Variants in ZNF34 observed in about 807,000 individuals in gnomAD.
ZNF34 encodes zinc finger protein 34, also known as zinc finger protein 34 (KOX 32).
Under a neutral mutation model 14.4 loss-of-function variants are expected in ZNF34, and 8 were observed. The ratio of observed to expected loss-of-function variants is 0.55; its 90% confidence interval spans 0.33 to 1.00. The LOEUF (loss-of-function observed/expected upper bound fraction) is 1.00. Ranked by LOEUF, ZNF34 falls within the 50% of genes least tolerant of loss-of-function variation. The probability of loss-of-function intolerance (pLI) is 0.03; values close to 1 mark genes in which losing one functional copy is unlikely to be tolerated. For synonymous variants in ZNF34, 235 were observed against 247.9 expected (o/e 0.95, Z 0.49); for missense variants, 538 against 674.2 (o/e 0.80, Z 2.24).
At chr8:144,784,874 G>A (rs1205099995) in intron 1 of ZNF34, among the ~76,000 whole-genome samples, 2 of 152,012 alleles carry the variant, frequency 1.3e-5, no homozygotes, top group East Asian at 3.8e-4. Context: ...TGTAATCTCA[G>A]TGCTTTGGGA....
chr8:144,776,651 T>C (rs7815548), intron 5 of ZNF34, among the ~76,000 whole-genome samples: 11,108 of 151,314 alleles, frequency 0.073, 1,379 homozygotes, highest in African/African-American at 0.26. Context: ...TGGCTCACAC[T>C]TTAACTCCAG....
chr8:144,781,164 A>AATAAATAAATAT (rs1371657864), intron 1 of ZNF34, among the ~76,000 whole-genome samples: 3 of 117,968 alleles, frequency 2.5e-5, no homozygotes, highest in South Asian at 5.8e-4. Context: ...TAAATAAATA[A>AATAAATAAATAT]AAATAAAAAT....
At chr8:144,785,216 A>G (rs1282393288) in intron 1 of ZNF34, 1 of 152,222 alleles carries the variant, frequency 6.6e-6, no homozygotes, top group East Asian at 1.9e-4. Flanking sequence ...CACATAACAA[A>G]GTATAAATAT....
rs1301775190 is a variant in ZNF34 at position 144,779,343 on chromosome 8, C to T, written c.-54-818G>A. Among the ~76,000 whole-genome samples the T allele has an allele frequency of 5.9e-5, 9 of 152,306 alleles. No homozygotes were observed. Among genetic ancestry groups the T allele is most frequent in the African/African-American group, 2.2e-4 (9 of 41,566 alleles). On this transcript the variant is annotated intron_variant, in intron 2 of 5. Coordinates refer to ENST00000429371, the MANE Select transcript of ZNF34 (RefSeq NM_001286769.2). The surrounding 1 kb of genome is among the most constrained non-coding windows in gnomAD (Gnocchi z 4.1). ...CGTCACAGCTACGCTTGATGCACCG[C>T]TACCTTTCTATCCCCATGTCCTCAT...
At chr8:144,778,953 C>T (rs1025657198) in intron 2 of ZNF34, among the ~76,000 whole-genome samples, 2 of 152,162 alleles carry the variant, frequency 1.3e-5, no homozygotes, top group African/African-American at 4.8e-5. Flanking sequence ...TCTGGGAACA[C>T]GTCCTGGGTC....
intron 1 of ZNF34, among the ~76,000 whole-genome samples, chr8:144,783,729 A>G: frequency 6.6e-6 from 1 of 152,272 alleles, no homozygotes; most frequent in East Asian, 1.9e-4. Context: ...GTTTCTAAAT[A>G]GGAGGGCTCA....
Position 144,779,394 on chromosome 8 carries a change from C to T in ZNF34, c.-55+834G>A, listed in dbSNP as rs375420295. Among the ~76,000 whole-genome samples the T allele has an allele frequency of 2.6e-5, 4 of 152,286 alleles. No homozygotes were observed. The highest frequency in any genetic ancestry group is 4.8e-5 in the African/African-American group (2 of 41,568). On this transcript the variant is annotated intron_variant, in intron 2 of 5. Transcript: ENST00000429371. This position sits in a 1 kb window ranked among gnomAD's most constrained non-coding sequence, Gnocchi z 4.1. ...GTCCTCACCTGTCTACCCTCATGTC[C>T]GCACATCCTCACCACCTGCTTCTTT...
rs543740056 is a variant in ZNF34, at chr8:144,779,162, T to A, written c.-54-637A>T. On this transcript the variant is annotated intron_variant, in intron 2 of 5. Coordinates refer to ENST00000429371, the MANE Select transcript of ZNF34 (RefSeq NM_001286769.2). The surrounding 1 kb of genome is among the most constrained non-coding windows in gnomAD (Gnocchi z 4.1). ...GGCACAAAACCCCTCGTGGCTTGGA[T>A]GGAATCCAGGGCTCAGGGCACAAAA... Among the ~76,000 whole-genome samples the A allele has an allele frequency of 6.6e-5, 10 of 151,840 alleles. No homozygotes were observed. Among genetic ancestry groups the A allele is most frequent in the Non-Finnish European group, 8.8e-5 (6 of 67,922 alleles).
Position 144,777,994 on chromosome 8 carries a change from C to A in ZNF34, c.160+44G>T. 4.4e-6 allele frequency: 7 copies of A among 1,608,662 alleles called. No individual in the cohort carries two copies. Among genetic ancestry groups the A allele is most frequent in the Non-Finnish European group, 5.9e-6 (7 of 1,177,436 alleles). Reference sequence around the variant, plus strand: ...AGCCCAGCCTCTGCTGAGCCCTTAGCCCCCAGGGCTGTTCCCAGAGCTGAG... The same window carrying A: ...AGCCCAGCCTCTGCTGAGCCCTTAGACCCCAGGGCTGTTCCCAGAGCTGAG... On this transcript the variant is annotated intron_variant, in intron 4 of 5. Transcript: ENST00000429371. The surrounding 1 kb of genome is among the most constrained non-coding windows in gnomAD (Gnocchi z 4.8).
rs375897396 is a variant in ZNF34 at position 144,781,114 on chromosome 8, G to A, written c.-107-834C>T. 1.9e-3 allele frequency among the ~76,000 whole-genome samples: 268 copies of A among 142,396 alleles called. 1 individual carries two copies. Among genetic ancestry groups the A allele is most frequent in the African/African-American group, 6.4e-3 (246 of 38,368 alleles). 93.4% of individuals were successfully genotyped at this position (142,396 alleles called of 152,430 possible). On this transcript the variant is annotated intron_variant, in intron 1 of 5. Coordinates refer to ENST00000429371, the MANE Select transcript of ZNF34 (RefSeq NM_001286769.2). The stretch of plus-strand genomic sequence containing the variant: ...CGCACCACTGCACTCCAGCCTGGGC[G>A]ACAGAGCGAGACTCCATCTCAAATA...
chr8:144,774,524 A>G lies in ZNF34; in HGVS notation c.362T>C (p.Val121Ala), dbSNP rs749057321. Residue 121 changes from valine to alanine, a missense_variant, in exon 6 of 6, where the codon GTA becomes GCA. Val to Ala is a moderately conservative substitution (Grantham distance 64, BLOSUM62 0). Around this residue, in one of 3 missense-constraint regions of ZNF34, gnomAD observed 431 missense variants for 525.7 expected, o/e 0.82. Coordinates refer to ENST00000429371, the MANE Select transcript of ZNF34 (RefSeq NM_001286769.2). ...GEEDPQGSEPVEACDHISKSE... is the reference protein window; with the variant it reads ...GEEDPQGSEPAEACDHISKSE... The stretch of plus-strand genomic sequence containing the variant: ...CTTACTGATGTGGTCACAGGCTTCT[A>G]CTGGCTCAGATCCCTGGGGATCTTC... 2.5e-6 allele frequency: 4 copies of G among 1,613,946 alleles called. No homozygotes were observed. The highest frequency in any genetic ancestry group is 3.4e-6 in the Non-Finnish European group (4 of 1,179,886).
rs1192845493 is a variant in ZNF34 at position 144,779,433 on chromosome 8, T to A, written c.-55+795A>T. ...ACCTGCTTCTTTGTTCGATCATCAA[T>A]AAATAGTGTGGGCTCCCAGAGCTTG... On this transcript the variant is annotated intron_variant, in intron 2 of 5. Coordinates refer to ENST00000429371, the MANE Select transcript of ZNF34 (RefSeq NM_001286769.2). This position sits in a 1 kb window ranked among gnomAD's most constrained non-coding sequence, Gnocchi z 4.1. 2.0e-5 allele frequency among the ~76,000 whole-genome samples: 3 copies of A among 152,148 alleles called. No homozygotes were observed. The highest frequency in any genetic ancestry group is 7.2e-5 in the African/African-American group (3 of 41,440).
At position 144,777,914 on chromosome 8, in the gene ZNF34, G is replaced by A; in HGVS notation, c.160+124C>T. On this transcript the variant is annotated intron_variant, in intron 4 of 5. Coordinates refer to ENST00000429371, the MANE Select transcript of ZNF34 (RefSeq NM_001286769.2). This position sits in a 1 kb window ranked among gnomAD's most constrained non-coding sequence, Gnocchi z 4.8. ...TCTTCCCCTCATCTTCTCAGATCAGGTGCCTGCCTGGGATAAAGGTCATCA... is the reference window on the plus strand; with the variant it reads ...TCTTCCCCTCATCTTCTCAGATCAGATGCCTGCCTGGGATAAAGGTCATCA... 7.1e-7 allele frequency: 1 copy of A among 1,406,422 alleles called. No homozygotes were observed. Among genetic ancestry groups the A allele is most frequent in the Non-Finnish European group, 9.7e-7 (1 of 1,029,102 alleles). The allele number at this position is 1,406,422 out of a possible 1,614,324, so 87.1% of individuals were successfully genotyped here.
intron 5 of ZNF34, among the ~76,000 whole-genome samples, chr8:144,776,233 A>C (rs1825504767): frequency 6.7e-6 from 1 of 148,752 alleles, no homozygotes; most frequent in Non-Finnish European, 1.5e-5. Flanking sequence ...AATTGCTTGA[A>C]CCTGGGAGGC....
At position 144,773,608 on chromosome 8, in the gene ZNF34, A is replaced by G; in HGVS notation, c.1278T>C (p.Tyr426=). 7 of 1,614,028 alleles carry G rather than the reference A, an allele frequency of 4.3e-6. No individual in the cohort carries two copies. Among genetic ancestry groups the G allele is most frequent in the Non-Finnish European group, 5.9e-6 (7 of 1,180,004 alleles). The stretch of plus-strand genomic sequence containing the variant: ...AAACTTTGCCACAGTCATTGCATTC[A>G]TAGGGCTTCTCTCCAGTGTGGCTTC... The part of the protein sequence containing the change: ...HQRSHTGEKP[Y]ECNDCGKVFS... Residue 426 remains tyrosine (Y), a synonymous_variant, in exon 6 of 6, where the codon TAT becomes TAC. Transcript: ENST00000429371. This position sits in a 1 kb window ranked among gnomAD's most constrained non-coding sequence, Gnocchi z 5.4.
rs192788972 is a variant in ZNF34 at position 144,784,690 on chromosome 8, G to A, written c.-108+2589C>T. ...GGAGAATCGCTTGAACCCGGGAGGC[G>A]GAGGTTGCAGTGAGCCAAGATCACG... On this transcript the variant is annotated intron_variant, in intron 1 of 5. Coordinates refer to ENST00000429371, the MANE Select transcript of ZNF34 (RefSeq NM_001286769.2). Among the ~76,000 whole-genome samples the A allele has an allele frequency of 3.6e-3, 547 of 152,066 alleles. 2 individuals carry two copies. Among genetic ancestry groups the A allele is most frequent in the African/African-American group, 0.011 (456 of 41,468 alleles).
intron 5 of ZNF34, among the ~76,000 whole-genome samples, chr8:144,775,332 A>C (rs1365926735): frequency 6.6e-6 from 1 of 152,150 alleles, no homozygotes; most frequent in African/African-American, 2.4e-5. Context: ...ACCTTATCTA[A>C]AGCTGATCTA....
intron 1 of ZNF34, among the ~76,000 whole-genome samples, chr8:144,785,842 T>C (rs11986287): frequency 0.039 from 5,985 of 152,114 alleles, 204 homozygotes; most frequent in African/African-American, 0.08. Flanking sequence ...ACCATGTGCC[T>C]GTGTAGAAGA....
At chr8:144,774,703 T>A (rs1825394015) in intron 5 of ZNF34, 98 bp from the exon 6 acceptor site, 2 of 1,424,120 alleles carry the variant, frequency 1.4e-6, no homozygotes, top group African/African-American at 2.9e-5. Context: ...AATTTGATCA[T>A]CTCCAAAGTC....
Sources: gnomAD v4.1 joint callset for allele counts (sites outside exome capture counted in the v4.1 genomes callset) on GRCh38, gnomAD v4.1.1 for gene constraint, gnomAD v4.1.1 regional missense constraint, Gnocchi (gnomAD v3.1) non-coding constraint, MANE v1.5 for transcripts, NCBI Gene and HGNC (gene_info 2026-07-23, HGNC 2026-07-21) for gene names.